The following PPFIBP2 variants were observed in gnomAD, a reference collection of about 807,000 sequenced individuals.
PPFIBP2 encodes PPFIB scaffold protein 2.
A neutral mutation model predicts 118.3 loss-of-function variants in PPFIBP2; 118 were observed. The ratio of observed to expected loss-of-function variants is 1.00; its 90% CI spans 0.86 to 1.16. PPFIBP2 has a LOEUF of 1.16. Among genes scored for constraint, PPFIBP2 ranks in the 50% most tolerant of loss-of-function variants. PPFIBP2 has a pLI of 0.00. For synonymous variants in PPFIBP2, 414 were observed against 397.4 expected (o/e 1.04, Z -0.50); for missense variants, 1,195 against 1,073.1 (o/e 1.11, Z -1.59).
rs1848680131 is a variant in PPFIBP2 at position 7,616,621 on chromosome 11, T to C, written c.619-4314T>C. ...GAATATACTGAAATAGGCATATTGA[T>C]GCCTGAGTTCAGGGTTTGGGTACAT... is the stretch of plus-strand genomic sequence containing the variant. On this transcript the variant is annotated intron_variant, in intron 6 of 23. Transcript: ENST00000299492. This position sits in a 1 kb window ranked among gnomAD's most constrained non-coding sequence, Gnocchi z 5.2. 6.6e-6 allele frequency among the ~76,000 whole-genome samples: 1 copy of C among 152,222 alleles called. No homozygotes were observed.
At chr11:7,535,790 C>CA (rs1395066093) in intron 1 of PPFIBP2, among the ~76,000 whole-genome samples, 4 of 152,120 alleles carry the variant, frequency 2.6e-5, no homozygotes, top group Non-Finnish European at 5.9e-5. Context: ...AATACCTGAA[C>CA]ACAGTCTGGG....
At chr11:7,597,757 C>G (rs544419988) in intron 5 of PPFIBP2, 84 bp downstream of exon 5, 1 of 1,123,312 alleles carries the variant, frequency 8.9e-7, no homozygotes, top group Non-Finnish European at 1.3e-6. Flanking sequence ...CTACAGCCCT[C>G]GCTGTCTGCT....
chr11:7,562,769 A>G (rs1854438761), intron 2 of PPFIBP2, among the ~76,000 whole-genome samples: 1 of 151,430 alleles, frequency 6.6e-6, no homozygotes, highest in East Asian at 1.9e-4. Context: ...TTTAAAGTCA[A>G]GTGGCGTTTG....
intron 2 of PPFIBP2, among the ~76,000 whole-genome samples, chr11:7,563,672 A>G (rs1214917523): frequency 4.6e-5 from 7 of 152,200 alleles, no homozygotes; most frequent in Non-Finnish European, 4.4e-5. Context: ...CAAATCTTTC[A>G]TCTGGTTGGC....
intron 21 of PPFIBP2, among the ~76,000 whole-genome samples, chr11:7,650,309 C>T (rs1364145008): frequency 6.6e-6 from 1 of 152,128 alleles, no homozygotes; most frequent in Non-Finnish European, 1.5e-5. Context: ...GCTACCTTTG[C>T]TGTCTATCTC....
At chr11:7,609,791 C>G (rs1847844576) in intron 5 of PPFIBP2, among the ~76,000 whole-genome samples, 1 of 152,202 alleles carries the variant, frequency 6.6e-6, no homozygotes, top group African/African-American at 2.4e-5. Flanking sequence ...CTTTGCACAT[C>G]TACTTTGTGT....
chr11:7,660,423 G>C (rs555546071), downstream of PPFIBP2, among the ~76,000 whole-genome samples: 1 of 140,504 alleles, frequency 7.1e-6, no homozygotes, highest in East Asian at 2.0e-4. Context: ...TTTTGTCCTT[G>C]GCTCTGTTTA....
intron 1 of PPFIBP2, among the ~76,000 whole-genome samples, chr11:7,547,528 T>A (rs985187303): frequency 1.3e-5 from 2 of 152,204 alleles, no homozygotes; most frequent in African/African-American, 2.4e-5. Context: ...GCAGATTGTT[T>A]CCTTCCTCCT....
At chr11:7,617,981 C>T (rs1590628045) in intron 6 of PPFIBP2, among the ~76,000 whole-genome samples, 1 of 152,082 alleles carries the variant, frequency 6.6e-6, no homozygotes. Context: ...GCAGAGATAA[C>T]CCTATGCCTC....
the PPFIBP2 span, chr11:7,665,618 ACCCACCCTCAG>A: frequency 1.4e-6 from 2 of 1,464,100 alleles, no homozygotes; most frequent in South Asian, 2.7e-5. Flanking sequence ...CCGCCTGCAC[ACCCACCCTCAG>A]CCAGGGAGGA....
chr11:7,533,046 G>A (rs1294586061), intron 1 of PPFIBP2, among the ~76,000 whole-genome samples: 1 of 129,096 alleles, frequency 7.7e-6, no homozygotes, highest in Non-Finnish European at 1.7e-5. Context: ...TTTTTTTGTT[G>A]TTGTTGCTTA....
chr11:7,557,872 G>T (rs1853820521), intron 2 of PPFIBP2, among the ~76,000 whole-genome samples: 1 of 152,014 alleles, frequency 6.6e-6, no homozygotes, highest in Non-Finnish European at 1.5e-5. Flanking sequence ...CTTTTAAGTG[G>T]CAAGGTTTTA....
At chr11:7,636,112 C>T (rs1043771369) in intron 14 of PPFIBP2, among the ~76,000 whole-genome samples, 1 of 152,124 alleles carries the variant, frequency 6.6e-6, no homozygotes, top group Non-Finnish European at 1.5e-5. Context: ...AATGAAGATT[C>T]ATATAATTAG....
intron 17 of PPFIBP2, among the ~76,000 whole-genome samples, chr11:7,643,737 T>C (rs935573139): frequency 6.6e-6 from 1 of 152,240 alleles, no homozygotes; most frequent in Non-Finnish European, 1.5e-5. Flanking sequence ...TTAAAACTGT[T>C]GTTGCTAGTA....
chr11:7,585,964 T>C (rs549213577), intron 3 of PPFIBP2, among the ~76,000 whole-genome samples: 1 of 152,262 alleles, frequency 6.6e-6, no homozygotes, highest in Non-Finnish European at 1.5e-5. Flanking sequence ...ATACTTAGAG[T>C]ACACAATAAA....
chr11:7,665,864 C>A, the PPFIBP2 span: 1 of 1,535,982 alleles, frequency 6.5e-7, no homozygotes. Context: ...TGGAGTTGTC[C>A]GGCAGGGTGT....
At chr11:7,640,917 C>T (rs1852089391) in intron 15 of PPFIBP2, 3 of 857,394 alleles carry the variant, frequency 3.5e-6, no homozygotes, top group Non-Finnish European at 5.0e-6. Context: ...GAGTTTTTCT[C>T]TCTTGCTCGA....
At chr11:7,656,668 C>G (rs113621234), downstream of PPFIBP2, 1 of 1,250,202 alleles carries the variant, frequency 8.0e-7, no homozygotes, top group Non-Finnish European at 1.0e-6. Flanking sequence ...GTGCAGCTGC[C>G]GCAGGGCAGC....
intron 3 of PPFIBP2, among the ~76,000 whole-genome samples, chr11:7,578,048 A>G (rs1379015297): frequency 6.6e-6 from 1 of 152,212 alleles, no homozygotes; most frequent in Non-Finnish European, 1.5e-5. Context: ...TCTCACTCTG[A>G]TGTTATCCGG....
Sources: allele counts gnomAD v4.1 joint callset (sites outside exome capture counted in the v4.1 genomes callset), GRCh38; gene constraint gnomAD v4.1.1; non-coding constraint Gnocchi (gnomAD v3.1); transcripts MANE v1.5; gene names NCBI Gene and HGNC (gene_info 2026-07-23, HGNC 2026-07-21).